Variants in OR14I1 observed in about 807,000 individuals in gnomAD.
OR14I1 encodes olfactory receptor 14I1.
For missense variants in OR14I1, 279 were observed against 181.8 expected, an observed-to-expected ratio of 1.53 and a Z score of -3.07; for synonymous variants, 118 against 71.1, an observed-to-expected ratio of 1.66 and a Z score of -3.32.
At chr1:248,688,860 A>G in the OR14I1 span, among the ~76,000 whole-genome samples, 1 of 152,238 alleles carries the variant, frequency 6.6e-6, no homozygotes, top group African/African-American at 2.4e-5. Context: ...ATATGATTCA[A>G]CTGTCAGTCA....
downstream of OR14I1, among the ~76,000 whole-genome samples, chr1:248,679,603 C>T (rs1449261088): frequency 6.6e-6 from 1 of 152,082 alleles, no homozygotes; most frequent in East Asian, 1.9e-4. Flanking sequence ...TAAAATAGTC[C>T]TTGACCTCAA....
chr1:248,689,373 C>T, the OR14I1 span, among the ~76,000 whole-genome samples: 2 of 152,160 alleles, frequency 1.3e-5, no homozygotes, highest in Non-Finnish European at 2.9e-5. Flanking sequence ...TGCTGTCTTC[C>T]AGGAACCTTA....
chr1:248,691,432 C>T, the OR14I1 span, among the ~76,000 whole-genome samples: 3 of 152,266 alleles, frequency 2.0e-5, no homozygotes, highest in Admixed American at 6.5e-5. Context: ...AGAATGTTCC[C>T]GTCAGAGAAT....
chr1:248,695,238 T>G, the OR14I1 span, among the ~76,000 whole-genome samples: 1 of 146,074 alleles, frequency 6.8e-6, no homozygotes, highest in South Asian at 2.2e-4. Context: ...CTTTTTTTTT[T>G]TTTTTTTTTT....
chr1:248,686,690 G>T (rs1364160376), upstream of OR14I1, among the ~76,000 whole-genome samples: 1 of 147,878 alleles, frequency 6.8e-6, no homozygotes, highest in East Asian at 2.0e-4. Flanking sequence ...TGAAATGATT[G>T]CTTACATAAA....
chr1:248,689,332 T>C, the OR14I1 span, among the ~76,000 whole-genome samples: 1 of 152,192 alleles, frequency 6.6e-6, no homozygotes, highest in Admixed American at 6.5e-5. Flanking sequence ...GGAAGAGTTC[T>C]AGAGCCCTTG....
chr1:248,681,658 T>C (rs55871516), exon 1 of OR14I1: 104,130 of 780,800 alleles, frequency 0.13, 7,455 homozygotes, highest in East Asian at 0.16. Flanking sequence ...GATTTGGAAA[T>C]AGGAGATCAT....
chr1:248,682,087 G>A (rs1222345492), exon 1 of OR14I1: 1 of 781,084 alleles, frequency 1.3e-6, no homozygotes, highest in Admixed American at 1.7e-5. Flanking sequence ...CACAGTGACT[G>A]AGATGTAGCA....
At chr1:248,689,960 C>A in the OR14I1 span, among the ~76,000 whole-genome samples, 2 of 152,152 alleles carry the variant, frequency 1.3e-5, no homozygotes, top group African/African-American at 4.8e-5. Flanking sequence ...AACTGAACAA[C>A]CTGCTCCTGA....
chr1:248,679,498 G>C (rs1243221483), downstream of OR14I1, among the ~76,000 whole-genome samples: 3 of 151,864 alleles, frequency 2.0e-5, no homozygotes, highest in Non-Finnish European at 2.9e-5. Flanking sequence ...AATATTAAAA[G>C]GGATTAAAAA....
At chr1:248,685,691 G>GTA (rs1426991203), upstream of OR14I1, among the ~76,000 whole-genome samples, 2 of 150,006 alleles carry the variant, frequency 1.3e-5, no homozygotes, top group South Asian at 2.1e-4. Flanking sequence ...TATAGTTCGT[G>GTA]TATATATATA....
At chr1:248,683,878 A>G (rs1025032713), upstream of OR14I1, among the ~76,000 whole-genome samples, 1 of 152,212 alleles carries the variant, frequency 6.6e-6, no homozygotes, top group Non-Finnish European at 1.5e-5. Context: ...TACTGAAAAT[A>G]CAAAATAGCT....
the OR14I1 span, among the ~76,000 whole-genome samples, chr1:248,696,428 A>G: frequency 6.6e-6 from 1 of 152,134 alleles, no homozygotes; most frequent in Admixed American, 6.5e-5. Flanking sequence ...GTCTTTGCCC[A>G]TGACAGCAGG....
the OR14I1 span, among the ~76,000 whole-genome samples, chr1:248,695,538 T>C: frequency 6.6e-6 from 1 of 152,176 alleles, no homozygotes; most frequent in Non-Finnish European, 1.5e-5. Flanking sequence ...CGGCCGAATC[T>C]ATGCGTTTTT....
chr1:248,693,674 A>C, the OR14I1 span, among the ~76,000 whole-genome samples: 1 of 151,948 alleles, frequency 6.6e-6, no homozygotes. Context: ...CCAATCTTCA[A>C]GTTCTCTTCT....
chr1:248,685,788 G>C (rs561257293), upstream of OR14I1, among the ~76,000 whole-genome samples: 23 of 150,244 alleles, frequency 1.5e-4, no homozygotes, highest in Non-Finnish European at 2.1e-4. Flanking sequence ...ATATATAGTT[G>C]TGTATATATT....
chr1:248,695,517 G>C, the OR14I1 span, among the ~76,000 whole-genome samples: 1 of 152,160 alleles, frequency 6.6e-6, no homozygotes, highest in Admixed American at 6.5e-5. Flanking sequence ...ACAGGTGTGA[G>C]CCACTGCGCC....
At chr1:248,695,474 C>T in the OR14I1 span, among the ~76,000 whole-genome samples, 1 of 152,096 alleles carries the variant, frequency 6.6e-6, no homozygotes, top group Non-Finnish European at 1.5e-5. Context: ...ACCTCGTGAT[C>T]CACCTGCGTC....
At chr1:248,693,548 T>C in the OR14I1 span, among the ~76,000 whole-genome samples, 89 of 152,338 alleles carry the variant, frequency 5.8e-4, 2 homozygotes, top group Non-Finnish European at 6.0e-4. Flanking sequence ...TAGTTTTTTC[T>C]TGATATATTT....
Sources: allele counts gnomAD v4.1 joint callset (sites outside exome capture counted in the v4.1 genomes callset), GRCh38; gene constraint gnomAD v4.1.1; transcripts MANE v1.5; gene names NCBI Gene and HGNC (gene_info 2026-07-23, HGNC 2026-07-21).